The following ZBTB10 variants were observed in gnomAD, a reference collection of about 807,000 sequenced individuals.
ZBTB10 encodes zinc finger and BTB domain containing 10.
Under a neutral mutation model 76.4 loss-of-function variants are expected in ZBTB10, and 32 were observed. The ratio of observed to expected loss-of-function variants is 0.42; its 90% CI spans 0.32 to 0.56. ZBTB10 has a LOEUF of 0.56. ZBTB10 is among the 20% of genes least tolerant of loss of function. The pLI, the probability that ZBTB10 is intolerant of heterozygous loss-of-function variation, is 0.14. For missense variants in ZBTB10, 1,057 were observed against 1,098.5 expected, an observed-to-expected ratio of 0.96 and a Z score of 0.53; for synonymous variants, 523 against 432.9, an observed-to-expected ratio of 1.21 and a Z score of -2.58.
In ZBTB10 at chr8:80,487,257, C is replaced by T; in HGVS notation, c.447C>T (p.Pro149=). 1.9e-6 allele frequency: 3 copies of T among 1,552,184 alleles called. No individual in the cohort carries two copies. Among genetic ancestry groups the T allele is most frequent in the Non-Finnish European group, 2.6e-6 (3 of 1,149,862 alleles). The stretch of plus-strand genomic sequence containing the variant: ...GCCGCCCCGAGACCTCGGTGTGGCC[C>T]TTGAGGCATTTCAATGGGCGAGGGC... The part of the protein sequence containing the change: ...SRGRPETSVW[P]LRHFNGRGPA... Residue 149 remains proline, a synonymous_variant, in exon 1 of 6, where the codon CCC becomes CCT. Transcript: ENST00000455036.
At chr8:80,488,245 C>G (rs545245007) in intron 1 of ZBTB10, among the ~76,000 whole-genome samples, 2 of 152,280 alleles carry the variant, frequency 1.3e-5, no homozygotes, top group African/African-American at 4.8e-5. Context: ...AAGGCTACCC[C>G]TTTCAGGAAA....
chr8:80,494,402 C>T (rs1221018112), intron 1 of ZBTB10, among the ~76,000 whole-genome samples: 5 of 152,172 alleles, frequency 3.3e-5, no homozygotes, highest in African/African-American at 9.7e-5. Context: ...GTGTAGGAGA[C>T]TGGGTGATGG....
intron 1 of ZBTB10, among the ~76,000 whole-genome samples, chr8:80,488,068 A>T (rs1008943624): frequency 6.6e-6 from 1 of 152,186 alleles, no homozygotes; most frequent in African/African-American, 2.4e-5. Flanking sequence ...GATTGAATCA[A>T]AAAGAAAGTG....
chr8:80,498,877 A>C (rs1032754142), intron 1 of ZBTB10, among the ~76,000 whole-genome samples: 13 of 152,222 alleles, frequency 8.5e-5, no homozygotes, highest in Admixed American at 8.5e-4. Flanking sequence ...TAAAGAGATA[A>C]AGCGTTTTGA....
rs530344572 is a variant in ZBTB10 at position 80,525,050 on chromosome 8, C to T, written c.*5522C>T. On this transcript the variant is annotated 3_prime_UTR_variant, in exon 6 of 6. Transcript: ENST00000455036. ...AAGTACTGGACGAAGGATGTTTTGA[C>T]ACTAAAAAGGACATAATTTAGGAAA... The T allele has an allele frequency of 1.0e-3, 157 of 152,076 alleles. No individual in the cohort carries two copies. The highest frequency in any genetic ancestry group is 3.6e-3 in the African/African-American group (151 of 41,512). 9.4% of individuals were successfully genotyped at this position (152,076 alleles called of 1,614,324 possible).
intron 2 of ZBTB10, among the ~76,000 whole-genome samples, chr8:80,512,689 G>T (rs1258008291): frequency 6.6e-6 from 1 of 152,168 alleles, no homozygotes; most frequent in Non-Finnish European, 1.5e-5. Context: ...TCCAGCCTGG[G>T]TGACAGAGGG....
At chr8:80,498,964 C>G (rs1815855316) in intron 1 of ZBTB10, among the ~76,000 whole-genome samples, 2 of 152,162 alleles carry the variant, frequency 1.3e-5, no homozygotes, top group Admixed American at 6.5e-5. Context: ...ACCTTTATCT[C>G]TAGTTAGATT....
In ZBTB10 at chr8:80,514,002, G is replaced by T; in HGVS notation, c.1954G>T (p.Asp652Tyr). 6.2e-7 allele frequency: 1 copy of T among 1,613,114 alleles called. No homozygotes were observed. Among genetic ancestry groups the T allele is most frequent in the African/African-American group, 1.3e-5 (1 of 75,018 alleles). The change falls in exon 3 of 6, where the codon GAT (aspartate) becomes TAT (tyrosine). Residue 652 changes from aspartate (D) to tyrosine (Y), a missense_variant. By Grantham distance (160) the Asp-to-Tyr change is radical (BLOSUM62 -3). Around this residue, in one of 5 missense-constraint regions of ZBTB10, gnomAD observed 306 missense variants for 297.5 expected, o/e 1.03. Coordinates refer to ENST00000455036, the MANE Select transcript of ZBTB10 (RefSeq NM_001105539.3). ...AEAGTSQDGG[D>Y]AGTSHDFKYG... ...AGCTGGCACTAGTCAAGATGGAGGTGATGCTGGTAGGTACAGTAAGATTTT... is the reference window on the plus strand; with the variant it reads ...AGCTGGCACTAGTCAAGATGGAGGTTATGCTGGTAGGTACAGTAAGATTTT...
At chr8:80,506,845 G>A (rs1816069931) in intron 2 of ZBTB10, among the ~76,000 whole-genome samples, 1 of 151,600 alleles carries the variant, frequency 6.6e-6, no homozygotes, top group Admixed American at 6.6e-5. Context: ...CGAGTGTTTT[G>A]CTAAACCTCT....
chr8:80,508,778 A>G (rs1816120956), intron 2 of ZBTB10, among the ~76,000 whole-genome samples: 1 of 152,194 alleles, frequency 6.6e-6, no homozygotes, highest in Non-Finnish European at 1.5e-5. Flanking sequence ...GACATCTCCA[A>G]TTTCCTACTA....
At position 80,518,832 on chromosome 8, in the gene ZBTB10, G is replaced by A; in HGVS notation, c.2188G>A (p.Val730Ile). ...GTTAAAATGCCCTCATTGTAGCTATGTAGCCAAATACAGACGAACACTAAA... is the reference window on the plus strand; with the variant it reads ...GTTAAAATGCCCTCATTGTAGCTATATAGCCAAATACAGACGAACACTAAA... ...NKLKCPHCSY[V>I]AKYRRTLKRH... The change falls in exon 5 of 6, where the codon GTA becomes ATA. Residue 730 changes from valine (V) to isoleucine (I), a missense_variant. Around this residue, in one of 5 missense-constraint regions of ZBTB10, gnomAD observed 54 missense variants for 138.1 expected, o/e 0.39. Transcript: ENST00000455036. The A allele has an allele frequency of 6.2e-7, 1 of 1,612,744 alleles. No homozygotes were observed. The highest frequency in any genetic ancestry group is 8.5e-7 in the Non-Finnish European group (1 of 1,179,406).
chr8:80,489,059 C>T (rs1159447296), intron 1 of ZBTB10, among the ~76,000 whole-genome samples: 2 of 143,038 alleles, frequency 1.4e-5, no homozygotes, highest in African/African-American at 2.6e-5. Flanking sequence ...GAAGGAAGGT[C>T]ATTTAAAGAT....
rs908611732 is a variant in ZBTB10 at position 80,524,279 on chromosome 8, T to C, written c.*4751T>C. 1 of 152,118 alleles carries C rather than the reference T, an allele frequency of 6.6e-6. No individual in the cohort carries two copies. 9.4% of individuals were successfully genotyped at this position (152,118 alleles called of 1,614,324 possible). On this transcript the variant is annotated 3_prime_UTR_variant, in exon 6 of 6. Coordinates refer to ENST00000455036, the MANE Select transcript of ZBTB10 (RefSeq NM_001105539.3). ...ATATGAAAGTACATAAATGACAGAC[T>C]ACCTCCAAGTAATCCTGCTTTAATT...
At chr8:80,494,576 T>A (rs946326668) in intron 1 of ZBTB10, among the ~76,000 whole-genome samples, 1 of 152,160 alleles carries the variant, frequency 6.6e-6, no homozygotes, top group Non-Finnish European at 1.5e-5. Context: ...TTGACACCTA[T>A]CTTCCCTAAT....
At chr8:80,490,313 T>C (rs1259362531) in intron 1 of ZBTB10, among the ~76,000 whole-genome samples, 2 of 152,152 alleles carry the variant, frequency 1.3e-5, no homozygotes. Flanking sequence ...TGGAGTGCAG[T>C]GGTGAGATAA....
chr8:80,511,404 T>C (rs1243370268), intron 2 of ZBTB10, among the ~76,000 whole-genome samples: 4 of 152,198 alleles, frequency 2.6e-5, no homozygotes, highest in African/African-American at 9.7e-5. Context: ...GTAAGACATG[T>C]CCTTGAACAG....
rs565891799 is a variant in ZBTB10, at chr8:80,486,791, C to T, written c.-20C>T. 1.2e-4 allele frequency: 169 copies of T among 1,394,716 alleles called. 3 individuals carry two copies. In the South Asian group the frequency reaches 2.4e-3, roughly 20 times the overall value. The allele number at this position is 1,394,716 out of a possible 1,614,324, so 86.4% of individuals were successfully genotyped here. Reference sequence around the variant, plus strand: ...GTGCGCGAGCCGGGGCACCGGGCGGCGGCGGCGGCGGCGCGCGCCATGTCG... The same window carrying T: ...GTGCGCGAGCCGGGGCACCGGGCGGTGGCGGCGGCGGCGCGCGCCATGTCG... On this transcript the variant is annotated 5_prime_UTR_variant, in exon 1 of 6. Coordinates refer to ENST00000455036, the MANE Select transcript of ZBTB10 (RefSeq NM_001105539.3).
At chr8:80,516,741 G>A (rs1816334749) in intron 3 of ZBTB10, among the ~76,000 whole-genome samples, 1 of 152,202 alleles carries the variant, frequency 6.6e-6, no homozygotes, top group African/African-American at 2.4e-5. Context: ...AAATATTTTA[G>A]AGACATTTTT....
chr8:80,491,299 T>C (rs951703941), intron 1 of ZBTB10, among the ~76,000 whole-genome samples: 1 of 152,212 alleles, frequency 6.6e-6, no homozygotes, highest in Non-Finnish European at 1.5e-5. Flanking sequence ...TACAGATTTG[T>C]AGTCTGGGAG....
Sources: allele counts gnomAD v4.1 joint callset (sites outside exome capture counted in the v4.1 genomes callset), GRCh38; gene constraint gnomAD v4.1.1; regional missense constraint gnomAD v4.1.1; transcripts MANE v1.5; gene names NCBI Gene and HGNC (gene_info 2026-07-23, HGNC 2026-07-21).